Variants in PRKCH observed in about 807,000 individuals in gnomAD.
PRKCH encodes protein kinase C eta type.
PRKCH carries 28 observed loss-of-function variants against 82.5 expected under a neutral mutation model. The observed-to-expected ratio is 0.34, with a 90% CI of 0.25 to 0.47. The LOEUF is 0.47. PRKCH is among the 20% of genes least tolerant of loss of function. PRKCH has a pLI of 1.00. For missense variants in PRKCH, 705 were observed against 881.8 expected, an observed-to-expected ratio of 0.80 and a Z score of 2.54; for synonymous variants, 322 against 327.4, an observed-to-expected ratio of 0.98 and a Z score of 0.18.
chr14:61,272,152 CG>C (rs1342460859), intron 1 of PRKCH, among the ~76,000 whole-genome samples: 2 of 151,290 alleles, frequency 1.3e-5, no homozygotes, highest in Admixed American at 6.6e-5. Flanking sequence ...GGCGTGAACC[CG>C]GGGGGCGGAG....
chr14:61,381,146 T>C (rs1215235024), intron 1 of PRKCH, among the ~76,000 whole-genome samples: 1 of 152,192 alleles, frequency 6.6e-6, no homozygotes, highest in Middle Eastern at 3.2e-3. Flanking sequence ...CTTAGTCTAC[T>C]CTGTTTTTGA....
chr14:61,460,468 C>A (rs1181432667), intron 9 of PRKCH, among the ~76,000 whole-genome samples: 1 of 152,206 alleles, frequency 6.6e-6, no homozygotes, highest in East Asian at 1.9e-4. Context: ...GCCCCCTCCC[C>A]CATTGTGGTT....
intron 1 of PRKCH, among the ~76,000 whole-genome samples, chr14:61,191,717 C>G (rs1334328906): frequency 6.6e-6 from 1 of 151,966 alleles, no homozygotes; most frequent in African/African-American, 2.4e-5. Flanking sequence ...TTTCACGTCT[C>G]AACTTACTCC....
intron 2 of PRKCH, among the ~76,000 whole-genome samples, chr14:61,425,351 T>G (rs1274497483): frequency 3.3e-5 from 5 of 152,214 alleles, no homozygotes; most frequent in African/African-American, 4.8e-5. Flanking sequence ...GTGGTAGAGC[T>G]GCCCAAGGCT....
intron 12 of PRKCH, among the ~76,000 whole-genome samples, chr14:61,535,668 G>A (rs961288810): frequency 1.3e-5 from 2 of 152,232 alleles, no homozygotes; most frequent in African/African-American, 2.4e-5. Flanking sequence ...AAGTGCCAAC[G>A]TAAGTCTTTG....
At chr14:61,306,441 G>A (rs1379276561) in intron 1 of PRKCH, 1 of 152,218 alleles carries the variant, frequency 6.6e-6, no homozygotes, top group East Asian at 1.9e-4. Flanking sequence ...AGCTCAGCAA[G>A]ACTTCCATAC....
At chr14:61,527,018 A>G (rs3783758) in intron 10 of PRKCH, among the ~76,000 whole-genome samples, 1,539 of 152,348 alleles carry the variant, frequency 0.01, 25 homozygotes, top group East Asian at 0.074. Context: ...GAGGCTAGCA[A>G]TGCCACCCTC....
At chr14:61,263,610 T>A (rs1286516281) in intron 1 of PRKCH, among the ~76,000 whole-genome samples, 1 of 152,324 alleles carries the variant, frequency 6.6e-6, no homozygotes, top group East Asian at 1.9e-4. Flanking sequence ...TATAGCCATA[T>A]CTCTATCTAT....
chr14:61,214,505 A>G (rs2044603679), intron 1 of PRKCH, among the ~76,000 whole-genome samples: 1 of 152,158 alleles, frequency 6.6e-6, no homozygotes, highest in African/African-American at 2.4e-5. Context: ...TCAGCTCGGG[A>G]TGCTATGGTA....
intron 12 of PRKCH, among the ~76,000 whole-genome samples, chr14:61,540,043 C>A (rs555104174): frequency 3.2e-4 from 48 of 152,342 alleles, no homozygotes; most frequent in African/African-American, 1.1e-3. Flanking sequence ...GCCGACAGCT[C>A]TTTGAGTATT....
intron 1 of PRKCH, among the ~76,000 whole-genome samples, chr14:61,379,653 TC>T (rs1283169817): frequency 6.6e-6 from 1 of 152,184 alleles, no homozygotes; most frequent in African/African-American, 2.4e-5. Flanking sequence ...TTGTGGGGGT[TC>T]CCCTGCAAAG....
intron 1 of PRKCH, among the ~76,000 whole-genome samples, chr14:61,357,983 GCCT>G (rs1464355253): frequency 6.6e-6 from 1 of 152,106 alleles, no homozygotes; most frequent in Non-Finnish European, 1.5e-5. Flanking sequence ...GTATCTGAAA[GCCT>G]CCTTAAATTT....
Position 61,549,911 on chromosome 14 carries a change from C to A in PRKCH, c.*80C>A. On this transcript the variant is annotated 3_prime_UTR_variant, in exon 14 of 14. Transcript: ENST00000332981. The stretch of plus-strand genomic sequence containing the variant: ...CAGGAATTTCCTCTATGGGACCTTC[C>A]CAGCATCAGCCTTAGAACAAGAACC... 6.9e-7 allele frequency: 1 copy of A among 1,456,994 alleles called. No homozygotes were observed. The highest frequency in any genetic ancestry group is 1.3e-5 in the South Asian group (1 of 78,094). 90.3% of individuals were successfully genotyped at this position (1,456,994 alleles called of 1,614,324 possible).
chr14:61,208,137 T>C (rs1428035037), intron 1 of PRKCH, among the ~76,000 whole-genome samples: 1 of 152,218 alleles, frequency 6.6e-6, no homozygotes, highest in East Asian at 1.9e-4. Context: ...TTTGATTTAA[T>C]CAGTGTTTAA....
intron 10 of PRKCH, among the ~76,000 whole-genome samples, chr14:61,488,414 G>A (rs1336780248): frequency 6.6e-6 from 1 of 152,132 alleles, no homozygotes; most frequent in Non-Finnish European, 1.5e-5. Context: ...CAATATTATT[G>A]TATAACAATA....
chr14:61,321,532 C>G (rs930408657), upstream of PRKCH, among the ~76,000 whole-genome samples: 11 of 152,274 alleles, frequency 7.2e-5, no homozygotes, highest in Non-Finnish European at 1.2e-4. This position sits in a 1 kb window ranked among gnomAD's most constrained non-coding sequence, Gnocchi z 4.1. Context: ...GGACCGCGGG[C>G]CACGCCCCTG....
intron 2 of PRKCH, among the ~76,000 whole-genome samples, chr14:61,410,867 A>G (rs1882232302): frequency 6.6e-6 from 1 of 152,346 alleles, no homozygotes; most frequent in Admixed American, 6.5e-5. Flanking sequence ...GTGCCTGGCT[A>G]ATTCCAAACC....
rs1566781718 is a variant in PRKCH, at chr14:61,210,152, AT to A, written c.-19+22485del. On this transcript the variant is annotated intron_variant, in intron 1 of 3. Coordinates refer to the PRKCH transcript ENST00000555185. ...TATATATATATATATATATATATATATATATATATAAATTAGCTTGGCATAG... is the reference window on the plus strand; with the variant it reads ...TATATATATATATATATATATATATAATATATATAAATTAGCTTGGCATAG... 2.7e-3 allele frequency among the ~76,000 whole-genome samples: 245 copies of A among 91,766 alleles called. 7 individuals are homozygous for A. Among genetic ancestry groups the A allele is most frequent in the African/African-American group, 3.9e-3 (93 of 23,632 alleles). The allele number at this position is 91,766 out of a possible 152,430, so 60.2% of individuals were successfully genotyped here.
intron 1 of PRKCH, among the ~76,000 whole-genome samples, chr14:61,384,710 G>A (rs531199956): frequency 1.3e-5 from 2 of 152,098 alleles, no homozygotes; most frequent in South Asian, 4.1e-4. Flanking sequence ...TGGCTCTGAG[G>A]GTGCACGTTG....
Sources: allele counts gnomAD v4.1 joint callset (sites outside exome capture counted in the v4.1 genomes callset), GRCh38; gene constraint gnomAD v4.1.1; non-coding constraint Gnocchi (gnomAD v3.1); transcripts MANE v1.5; gene names NCBI Gene and HGNC (gene_info 2026-07-23, HGNC 2026-07-21).